Variants in CPB1 observed in about 807,000 individuals in gnomAD.
The protein encoded by CPB1 is carboxypeptidase B.
CPB1 carries 53 observed loss-of-function variants against 51.4 expected under a neutral mutation model. The ratio of observed to expected loss-of-function variants is 1.03; its 90% CI spans 0.83 to 1.30. The LOEUF is 1.30. CPB1 is among the 50% of genes most tolerant of loss of function. The pLI is 0.00. For synonymous variants in CPB1, 189 were observed against 186.9 expected (o/e 1.01, Z -0.09); for missense variants, 494 against 516.2 (o/e 0.96, Z 0.42).
chr3:148,830,812 T>C (rs1712711562), intron 2 of CPB1, among the ~76,000 whole-genome samples: 3 of 152,216 alleles, frequency 2.0e-5, no homozygotes, highest in Admixed American at 2.0e-4. Context: ...TAAATAGGGC[T>C]TCTTTCTTTC....
At chr3:148,835,087 A>G (rs899801695) in intron 3 of CPB1, among the ~76,000 whole-genome samples, 28 of 152,098 alleles carry the variant, frequency 1.8e-4, no homozygotes, top group African/African-American at 6.3e-4. Context: ...TTTTTTCTCT[A>G]AAGTCCCACC....
chr3:148,846,445 C>CA (rs569169085), intron 9 of CPB1, among the ~76,000 whole-genome samples: 78 of 141,642 alleles, frequency 5.5e-4, no homozygotes, highest in Middle Eastern at 3.6e-3. Context: ...TGAGTTATGC[C>CA]AAAAAAAAAA....
intron 9 of CPB1, among the ~76,000 whole-genome samples, chr3:148,850,290 G>A (rs9838532): frequency 7.4e-5 from 11 of 149,494 alleles, no homozygotes; most frequent in African/African-American, 2.7e-4. Flanking sequence ...AGTTTTTTTT[G>A]TTTGTTTGTT....
chr3:148,831,179 T>A (rs1712723072), intron 2 of CPB1, among the ~76,000 whole-genome samples: 1 of 152,234 alleles, frequency 6.6e-6, no homozygotes, highest in South Asian at 2.1e-4. Context: ...TGTTCCTTTA[T>A]TGAAGGCATT....
At chr3:148,828,401 T>G (rs1391407067) in intron 2 of CPB1, among the ~76,000 whole-genome samples, 1 of 152,174 alleles carries the variant, frequency 6.6e-6, no homozygotes, top group African/African-American at 2.4e-5. Context: ...AATGATCAAC[T>G]TGGATATTAC....
chr3:148,834,721 A>C, intron 3 of CPB1, 99 bp downstream of exon 3: 2 of 1,180,624 alleles, frequency 1.7e-6, no homozygotes, highest in Non-Finnish European at 2.4e-6. Flanking sequence ...ACCAAGACCA[A>C]TGCCTTCCCC....
intron 9 of CPB1, chr3:148,856,080 G>A (rs1713561419): frequency 6.6e-6 from 1 of 152,110 alleles, no homozygotes; most frequent in South Asian, 2.1e-4. Flanking sequence ...TAAACAAGAG[G>A]AGCAATATAT....
In CPB1 at chr3:148,859,973, G is replaced by T. The variant is rs1559963412; in HGVS notation, c.1225G>T (p.Ala409Ser). 11 of 1,614,106 alleles carry T rather than the reference G, an allele frequency of 6.8e-6. No individual in the cohort carries two copies. Among genetic ancestry groups the T allele is most frequent in the Admixed American group, 1.7e-5 (1 of 60,022 alleles). The part of the protein sequence containing the change: ...EETFLAIKYV[A>S]SYVLEHLY ...GACCTTCCTGGCAATCAAGTATGTT[G>T]CCAGCTACGTCCTGGAACACCTGTA... is the stretch of plus-strand genomic sequence containing the variant. Residue 409 changes from alanine to serine, a missense_variant, in exon 11 of 11, where the codon GCC becomes TCC. Coordinates refer to ENST00000282957, the MANE Select transcript of CPB1 (RefSeq NM_001871.3).
At position 148,828,046 on chromosome 3, in the gene CPB1, A is replaced by G; in HGVS notation, c.116A>G (p.Asn39Ser). 1 of 1,614,110 alleles carries G rather than the reference A, an allele frequency of 6.2e-7. No individual in the cohort carries two copies. Among genetic ancestry groups the G allele is most frequent in the Non-Finnish European group, 8.5e-7 (1 of 1,179,986 alleles). ...AACGTTGAAGATGAAAATCACATTA[A>G]CATAATCCGCGAGTTGGCCAGCACG... The part of the protein sequence containing the change: ...RVNVEDENHI[N>S]IIRELASTTQ... The change falls in exon 2 of 11, where the codon AAC (asparagine) becomes AGC (serine). Residue 39 changes from asparagine (N) to serine (S), a missense_variant. Asn to Ser is a conservative substitution (Grantham distance 46). Coordinates refer to ENST00000282957, the MANE Select transcript of CPB1 (RefSeq NM_001871.3).
At chr3:148,854,030 G>A (rs1001817518) in intron 9 of CPB1, 12 of 152,138 alleles carry the variant, frequency 7.9e-5, no homozygotes, top group Admixed American at 2.0e-4. Flanking sequence ...GATATGGACC[G>A]AGTTCTCTGC....
At chr3:148,839,392 T>G (rs1713007052) in intron 3 of CPB1, among the ~76,000 whole-genome samples, 2 of 152,190 alleles carry the variant, frequency 1.3e-5, no homozygotes, top group South Asian at 4.1e-4. Context: ...TCACGTTGTT[T>G]TAAGCCACTA....
At chr3:148,857,689 CA>C (rs5853380) in intron 10 of CPB1, 148 bp downstream of exon 10, 8,671 of 313,490 alleles carry the variant, frequency 0.028, 2 homozygotes, top group South Asian at 0.064. Flanking sequence ...GTTTTCTGTT[CA>C]AAAAAAAAAA....
In CPB1 at chr3:148,845,535, T is replaced by C. The variant is rs752059114; in HGVS notation, c.890T>C (p.Ile297Thr). 3.6e-5 allele frequency: 58 copies of C among 1,613,844 alleles called. No homozygotes were observed. The highest frequency in any genetic ancestry group is 4.8e-5 in the Non-Finnish European group (57 of 1,179,886). Residue 297 changes from isoleucine (I) to threonine (T), a missense_variant, in exon 9 of 11, where the codon ATC (isoleucine) becomes ACC (threonine). By Grantham distance (89) the Ile-to-Thr change is moderately conservative. Transcript: ENST00000282957. ...ADFIRNKLSS[I>T]KAYLTIHSYS... The stretch of plus-strand genomic sequence containing the variant: ...TTCATCCGCAACAAACTCTCTTCCA[T>C]CAAGGCATATCTGACAATCCACTCG...
intron 6 of CPB1, among the ~76,000 whole-genome samples, chr3:148,842,619 A>C (rs985390034): frequency 6.6e-6 from 1 of 152,224 alleles, no homozygotes; most frequent in Non-Finnish European, 1.5e-5. Context: ...AGCAAAACAT[A>C]AAATCATCAC....
At chr3:148,830,652 T>A (rs2108010035) in intron 2 of CPB1, among the ~76,000 whole-genome samples, 1 of 152,276 alleles carries the variant, frequency 6.6e-6, no homozygotes, top group Non-Finnish European at 1.5e-5. Flanking sequence ...TGGGCCTCAA[T>A]GTTCTCTTTC....
chr3:148,830,940 C>T (rs780564300), intron 2 of CPB1, among the ~76,000 whole-genome samples: 2 of 152,134 alleles, frequency 1.3e-5, no homozygotes, highest in Non-Finnish European at 2.9e-5. Flanking sequence ...GTTACGGGAA[C>T]AGCATATTCT....
chr3:148,844,909 A>C, intron 8 of CPB1, 142 bp downstream of exon 8: 1 of 755,534 alleles, frequency 1.3e-6, no homozygotes, highest in Non-Finnish European at 2.1e-6. Context: ...AAAAAAAAAA[A>C]ACCAGTTTAA....
intron 9 of CPB1, among the ~76,000 whole-genome samples, chr3:148,849,691 A>G (rs1199739177): frequency 1.3e-5 from 2 of 152,268 alleles, no homozygotes; most frequent in Non-Finnish European, 2.9e-5. Flanking sequence ...AGCGCACTAC[A>G]CAAAGGTGCC....
rs368201293 is a variant in CPB1, at chr3:148,846,797, G to GTATATATA, written c.981+1209_981+1216dup. On this transcript the variant is annotated intron_variant, in intron 9 of 10. Transcript: ENST00000282957. ...CACATATATATGTGTGTGTGCGTGT[G>GTATATATA]TATATATATATATATATATATATAT... Among the ~76,000 whole-genome samples the GTATATATA allele has an allele frequency of 2.4e-3, 123 of 50,420 alleles. 1 individual carries two copies. Among genetic ancestry groups the GTATATATA allele is most frequent in the Admixed American group, 9.0e-3 (32 of 3,536 alleles). The allele number at this position is 50,420 out of a possible 152,430, so 33.1% of individuals were successfully genotyped here. A position where few individuals can be genotyped will look rare whatever the true frequency, so the allele number is the denominator to read the frequency against.
Sources: gnomAD v4.1 joint callset for allele counts (sites outside exome capture counted in the v4.1 genomes callset) on GRCh38, gnomAD v4.1.1 for gene constraint, MANE v1.5 for transcripts, NCBI Gene and HGNC (gene_info 2026-07-23, HGNC 2026-07-21) for gene names.